PROX1: variants seen among roughly 807,000 people sequenced by gnomAD.
PROX1 encodes prospero homeobox 1, also known as prospero homeobox protein 1.
A neutral mutation model predicts 58.8 loss-of-function variants in PROX1; 7 were observed. The observed-to-expected ratio is 0.12, with a 90% CI of 0.07 to 0.22. The LOEUF (loss-of-function observed/expected upper bound fraction) is 0.22. Among genes scored for constraint, PROX1 ranks in the 10% least tolerant of loss-of-function variants. The probability of loss-of-function intolerance (pLI) is 1.00; values close to 1 mark genes in which losing one functional copy is unlikely to be tolerated. For missense variants in PROX1, 675 were observed against 927.8 expected (o/e 0.73, Z 3.54); for synonymous variants, 350 against 358.3 (o/e 0.98, Z 0.26).
chr1:214,037,774 A>G lies in PROX1; in HGVS notation c.*1940A>G, dbSNP rs1664877211. 6.6e-6 allele frequency: 1 copy of G among 152,246 alleles called. No homozygotes were observed. Among genetic ancestry groups the G allele is most frequent in the Admixed American group, 6.5e-5 (1 of 15,286 alleles). The allele number at this position is 152,246 out of a possible 1,614,324, so 9.4% of individuals were successfully genotyped here. A position where few individuals can be genotyped will look rare whatever the true frequency, so the allele number is the denominator to read the frequency against. On this transcript the variant is annotated 3_prime_UTR_variant, in exon 5 of 5. Coordinates refer to ENST00000366958, the MANE Select transcript of PROX1 (RefSeq NM_001270616.2). ...TGTTATTTTTCTCACTTGCTTTAAA[A>G]AAAAGCAGTTTGGATAATCATGACA... is the stretch of plus-strand genomic sequence containing the variant.
chr1:213,989,254 C>G (rs1205951384), intron 1 of PROX1, among the ~76,000 whole-genome samples: 1 of 151,888 alleles, frequency 6.6e-6, no homozygotes, highest in Admixed American at 6.6e-5. Context: ...CCGGGAAACG[C>G]GCGCGGCGCC....
intron 2 of PROX1, among the ~76,000 whole-genome samples, chr1:214,001,586 T>G (rs1441884362): frequency 6.6e-6 from 1 of 152,214 alleles, no homozygotes; most frequent in Non-Finnish European, 1.5e-5. Context: ...AGCCGGCTTT[T>G]TCTACTCAAC....
chr1:213,984,653 G>C (rs1203179677), upstream of PROX1: 1 of 152,780 alleles, frequency 6.5e-6, no homozygotes, highest in African/African-American at 2.4e-5. Flanking sequence ...CCTCTAGAAA[G>C]CTTGCAGCAG....
At chr1:214,021,167 A>G (rs1431823197) in intron 4 of PROX1, among the ~76,000 whole-genome samples, 1 of 152,128 alleles carries the variant, frequency 6.6e-6, no homozygotes, top group African/African-American at 2.4e-5. Flanking sequence ...AATATTCCTA[A>G]CCTCCCAGTT....
In PROX1 at chr1:214,000,631, C is replaced by G. The variant is rs559588072; in HGVS notation, c.1725+2371C>G. Among the ~76,000 whole-genome samples, 16 of 152,290 alleles carry G rather than the reference C, an allele frequency of 1.1e-4. 1 individual carries two copies. The highest frequency in any genetic ancestry group is 3.1e-4 in the African/African-American group (13 of 41,562). On this transcript the variant is annotated intron_variant, in intron 2 of 4. Transcript: ENST00000366958. ...TTCTATGCTCCTATTCTTTTCCCCC[C>G]TCTACTATTAATACATTGCACTTTT...
chr1:213,986,053 C>T (rs1030737262), upstream of PROX1: 2 of 152,262 alleles, frequency 1.3e-5, no homozygotes, highest in Non-Finnish European at 2.9e-5. Context: ...TTTCCCCGCT[C>T]AATACACCCG....
upstream of PROX1, chr1:213,983,969 G>C (rs1437277970): frequency 6.6e-6 from 1 of 152,252 alleles, no homozygotes; most frequent in African/African-American, 2.4e-5. Context: ...CAGCCGGGCG[G>C]AGTGGCTAGA....
chr1:214,008,828 C>T (rs1168211643), intron 3 of PROX1, among the ~76,000 whole-genome samples: 2 of 152,198 alleles, frequency 1.3e-5, no homozygotes, highest in Admixed American at 1.3e-4. Flanking sequence ...GTTCTATGTT[C>T]TCACAGAGAG....
At chr1:214,020,429 C>T (rs1664241859) in intron 4 of PROX1, among the ~76,000 whole-genome samples, 1 of 152,222 alleles carries the variant, frequency 6.6e-6, no homozygotes, top group Admixed American at 6.5e-5. Flanking sequence ...CCTTCTGCCC[C>T]AGCCCTCAAC....
At chr1:214,015,960 G>A (rs912267233) in intron 4 of PROX1, among the ~76,000 whole-genome samples, 1 of 152,184 alleles carries the variant, frequency 6.6e-6, no homozygotes, top group African/African-American at 2.4e-5. Flanking sequence ...AAAGGCCCAG[G>A]TTTGGGGATG....
At chr1:213,995,947 AG>A (rs1171922111) in intron 1 of PROX1, among the ~76,000 whole-genome samples, 1 of 152,196 alleles carries the variant, frequency 6.6e-6, no homozygotes, top group Non-Finnish European at 1.5e-5. Context: ...CAAGAATAAA[AG>A]CTCTCTATTA....
In PROX1 at chr1:214,035,711, C is replaced by A; in HGVS notation, c.2091C>A (p.Ile697=). 1 of 1,613,874 alleles carries A rather than the reference C, an allele frequency of 6.2e-7. No individual in the cohort carries two copies. Among genetic ancestry groups the A allele is most frequent in the Non-Finnish European group, 8.5e-7 (1 of 1,179,882 alleles). Residue 697 remains isoleucine, a synonymous_variant, in exon 5 of 5, where the codon ATC becomes ATA. Coordinates refer to ENST00000366958, the MANE Select transcript of PROX1 (RefSeq NM_001270616.2). Reference sequence around the variant, plus strand: ...TACGGGAGTTTTTCAATGCCATTATCGCAGGCAAAGATGTTGATCCTTCCT... The same window carrying A: ...TACGGGAGTTTTTCAATGCCATTATAGCAGGCAAAGATGTTGATCCTTCCT... ...ITLREFFNAI[I]AGKDVDPSWK... is the part of the protein sequence containing the mutation.
intron 4 of PROX1, among the ~76,000 whole-genome samples, chr1:214,022,603 G>A (rs773398064): frequency 6.6e-5 from 10 of 152,342 alleles, no homozygotes; most frequent in East Asian, 3.9e-4. Flanking sequence ...GGGGTCATCC[G>A]TTCCAGATGA....
At chr1:214,029,236 G>A (rs1156910654) in intron 4 of PROX1, 2 of 152,234 alleles carry the variant, frequency 1.3e-5, no homozygotes, top group African/African-American at 2.4e-5. Context: ...GTGCACACAC[G>A]TGTGCAGATG....
chr1:213,995,199 A>AT (rs397702022), intron 1 of PROX1, among the ~76,000 whole-genome samples: 2 of 151,850 alleles, frequency 1.3e-5, no homozygotes, highest in Non-Finnish European at 2.9e-5. Context: ...CGTGAAAAAA[A>AT]TTTTCATTTT....
chr1:213,995,333 G>A (rs2102690452), intron 1 of PROX1, among the ~76,000 whole-genome samples: 1 of 152,250 alleles, frequency 6.6e-6, no homozygotes, highest in East Asian at 1.9e-4. Context: ...TTCAAAGAAG[G>A]ATGTTCTCTT....
chr1:213,992,232 G>C (rs186227111), intron 1 of PROX1, among the ~76,000 whole-genome samples: 7 of 152,124 alleles, frequency 4.6e-5, no homozygotes, highest in Non-Finnish European at 7.4e-5. Context: ...TAAATGATTT[G>C]AGAAGTATAT....
In PROX1 at chr1:213,998,053, A is replaced by G. The variant is rs1386654211; in HGVS notation, c.1518A>G (p.Gly506=). The stretch of plus-strand genomic sequence containing the variant: ...GTGCTCCCTCCGGCTCCTTCTCTGG[A>G]AAAGACAGAGCCTCTCCTGAATCCT... ...PLGAPSGSFS[G]KDRASPESLD... Residue 506 remains glycine (G), a synonymous_variant, in exon 2 of 5, where the codon GGA becomes GGG. Transcript: ENST00000366958. 3.1e-6 allele frequency: 5 copies of G among 1,612,386 alleles called. No homozygotes were observed. In the African/African-American group the frequency reaches 5.3e-5, roughly 17 times the overall value.
chr1:214,025,665 T>C (rs1664426548), intron 4 of PROX1, among the ~76,000 whole-genome samples: 2 of 137,388 alleles, frequency 1.5e-5, no homozygotes, highest in African/African-American at 2.9e-5. Context: ...TGTGATTCCT[T>C]TTTTTTTTTT....
Sources: allele counts gnomAD v4.1 joint callset (sites outside exome capture counted in the v4.1 genomes callset), GRCh38; gene constraint gnomAD v4.1.1; transcripts MANE v1.5; gene names NCBI Gene and HGNC (gene_info 2026-07-23, HGNC 2026-07-21).